FILIP1: variants seen among roughly 807,000 people sequenced by gnomAD.
The protein encoded by FILIP1 is filamin A interacting protein 1, also known as filamin-A-interacting protein 1.
FILIP1 carries 61 observed loss-of-function variants against 102.1 expected under a neutral mutation model. The observed-to-expected ratio is 0.60, with a 90% CI of 0.49 to 0.74. The LOEUF (loss-of-function observed/expected upper bound fraction) is 0.74, where lower values mean the gene tolerates loss of function less well. FILIP1 is among the 30% of genes least tolerant of loss of function. The pLI is 0.00. For synonymous variants in FILIP1, 491 were observed against 526.9 expected, an observed-to-expected ratio of 0.93 and a Z score of 0.93; for missense variants, 1,314 against 1,441.2, an observed-to-expected ratio of 0.91 and a Z score of 1.43.
intron 1 of FILIP1, among the ~76,000 whole-genome samples, chr6:75,452,174 A>G (rs1383130637): frequency 6.6e-6 from 1 of 151,274 alleles, no homozygotes; most frequent in Non-Finnish European, 1.5e-5. Flanking sequence ...TTTGTTACAT[A>G]TGTATACATG....
intron 6 of FILIP1, among the ~76,000 whole-genome samples, chr6:75,302,834 A>G (rs1772877203): frequency 6.9e-6 from 1 of 145,388 alleles, no homozygotes; most frequent in Admixed American, 7.6e-5. Context: ...ATGATATGAT[A>G]TGATATGATA....
chr6:75,328,399 A>G (rs1773945705), intron 4 of FILIP1, among the ~76,000 whole-genome samples: 1 of 152,202 alleles, frequency 6.6e-6, no homozygotes, highest in Admixed American at 6.5e-5. Context: ...AAGTTAATTA[A>G]TTGTTGAAGA....
At chr6:75,456,060 C>T (rs1405584834) in intron 1 of FILIP1, among the ~76,000 whole-genome samples, 1 of 152,188 alleles carries the variant, frequency 6.6e-6, no homozygotes, top group Admixed American at 6.5e-5. Flanking sequence ...TCTCACACAT[C>T]CTCCTAGGCC....
At chr6:75,407,248 C>T (rs370394589) in intron 2 of FILIP1, among the ~76,000 whole-genome samples, 46 of 151,586 alleles carry the variant, frequency 3.0e-4, no homozygotes, top group East Asian at 2.1e-3. Flanking sequence ...TTTTTTGAGA[C>T]GGAGTCTCAC....
intron 1 of FILIP1, among the ~76,000 whole-genome samples, chr6:75,436,417 T>C (rs529463372): frequency 6.6e-6 from 1 of 151,460 alleles, no homozygotes; most frequent in Non-Finnish European, 1.5e-5. Context: ...ATTGTAAAAC[T>C]GTATGCACCA....
intron 1 of FILIP1, among the ~76,000 whole-genome samples, chr6:75,424,124 G>A (rs1484294936): frequency 6.6e-6 from 1 of 152,092 alleles, no homozygotes; most frequent in Non-Finnish European, 1.5e-5. Context: ...CAAACAATAT[G>A]GCCAGCACCT....
intron 4 of FILIP1, among the ~76,000 whole-genome samples, chr6:75,325,071 C>A (rs1773792883): frequency 6.6e-6 from 1 of 152,038 alleles, no homozygotes; most frequent in Non-Finnish European, 1.5e-5. Flanking sequence ...GCAACAAAAA[C>A]AAAAATAAAT....
At chr6:75,448,877 A>T (rs938120380) in intron 1 of FILIP1, among the ~76,000 whole-genome samples, 1 of 152,176 alleles carries the variant, frequency 6.6e-6, no homozygotes, top group African/African-American at 2.4e-5. Context: ...GTTGGTAGGA[A>T]TGTAAACTAG....
At chr6:75,316,483 A>C (rs1773451828) in intron 4 of FILIP1, among the ~76,000 whole-genome samples, 1 of 151,820 alleles carries the variant, frequency 6.6e-6, no homozygotes, top group African/African-American at 2.4e-5. Context: ...TTGTGTAAGA[A>C]ATATTTGTGT....
chr6:75,387,731 A>AT (rs1776146668), intron 2 of FILIP1, among the ~76,000 whole-genome samples: 2 of 151,550 alleles, frequency 1.3e-5, no homozygotes, highest in African/African-American at 2.4e-5. Context: ...GGGGTTGTTT[A>AT]TTTTTTTCTT....
At chr6:75,341,577 T>C (rs1774422077) in intron 4 of FILIP1, among the ~76,000 whole-genome samples, 1 of 152,180 alleles carries the variant, frequency 6.6e-6, no homozygotes, top group African/African-American at 2.4e-5. Flanking sequence ...ATCTTTCACA[T>C]TCTTAAATTT....
chr6:75,422,044 A>G (rs997660687), intron 1 of FILIP1, among the ~76,000 whole-genome samples: 1 of 152,132 alleles, frequency 6.6e-6, no homozygotes, highest in Non-Finnish European at 1.5e-5. Flanking sequence ...TCACAGAAAA[A>G]GGTTACTTTC....
At chr6:75,436,367 G>GAA (rs1055766327) in intron 1 of FILIP1, among the ~76,000 whole-genome samples, 1 of 146,918 alleles carries the variant, frequency 6.8e-6, no homozygotes. Flanking sequence ...CCTGTCTCAG[G>GAA]AAAAAAAAAA....
chr6:75,312,443 G>A lies in FILIP1; in HGVS notation c.3389C>T (p.Thr1130Ile). The change falls in exon 5 of 6, where the codon ACC (threonine) becomes ATC (isoleucine). Residue 1130 changes from threonine to isoleucine, a missense_variant. Physicochemically the swap from Thr to Ile is moderately conservative, Grantham distance 89. Coordinates refer to ENST00000237172, the MANE Select transcript of FILIP1 (RefSeq NM_015687.5). ...PGASKVTSTITITPVTTSSAR... is the reference protein window; with the variant it reads ...PGASKVTSTIIITPVTTSSAR... ...AGATGACGTTGTGACCGGTGTTATGGTGATAGTGCTCGTCACTTTGCTTGC... is the reference window on the plus strand; with the variant it reads ...AGATGACGTTGTGACCGGTGTTATGATGATAGTGCTCGTCACTTTGCTTGC... The A allele has an allele frequency of 1.2e-6, 2 of 1,614,162 alleles. No individual in the cohort carries two copies. Among genetic ancestry groups the A allele is most frequent in the South Asian group, 1.1e-5 (1 of 91,082 alleles).
chr6:75,350,254 T>A (rs1458108559), intron 4 of FILIP1, among the ~76,000 whole-genome samples: 3 of 152,090 alleles, frequency 2.0e-5, no homozygotes, highest in Admixed American at 2.0e-4. Flanking sequence ...CCATAAAAAA[T>A]TATTTTAAAA....
At chr6:75,418,873 G>C (rs868503411) in intron 1 of FILIP1, among the ~76,000 whole-genome samples, 9 of 152,200 alleles carry the variant, frequency 5.9e-5, no homozygotes, top group Middle Eastern at 6.8e-3. Context: ...TCCATTCATA[G>C]TAGTCAACAA....
intron 2 of FILIP1, among the ~76,000 whole-genome samples, chr6:75,370,369 G>T (rs1160102543): frequency 6.6e-6 from 1 of 152,066 alleles, no homozygotes; most frequent in Non-Finnish European, 1.5e-5. Flanking sequence ...CCTGCTGCAT[G>T]GTAGGCACTC....
chr6:75,473,700 A>T (rs1447798297), intron 1 of FILIP1: 1 of 152,214 alleles, frequency 6.6e-6, no homozygotes, highest in South Asian at 2.1e-4. Flanking sequence ...GGGACAACGT[A>T]TAACAATCTC....
intron 1 of FILIP1, among the ~76,000 whole-genome samples, chr6:75,490,889 A>G (rs1435215317): frequency 6.6e-6 from 1 of 152,068 alleles, no homozygotes; most frequent in Non-Finnish European, 1.5e-5. Flanking sequence ...ACTTATCCAT[A>G]CTTTCTCATG....
Sources: allele counts gnomAD v4.1 joint callset (sites outside exome capture counted in the v4.1 genomes callset), GRCh38; gene constraint gnomAD v4.1.1; transcripts MANE v1.5; gene names NCBI Gene and HGNC (gene_info 2026-07-23, HGNC 2026-07-21).